ADGRB3: variants seen among roughly 807,000 people sequenced by gnomAD.
ADGRB3 encodes the protein adhesion G protein-coupled receptor B3, also known as brain-specific angiogenesis inhibitor 3.
ADGRB3 carries 37 observed loss-of-function variants against 193.4 expected under a neutral mutation model. The ratio of observed to expected loss-of-function variants is 0.19; its 90% CI spans 0.15 to 0.25. ADGRB3 has a LOEUF of 0.25. Among genes scored for constraint, ADGRB3 ranks in the 10% least tolerant of loss-of-function variants. The pLI, the probability that ADGRB3 is intolerant of heterozygous loss-of-function variation, is 1.00. For missense variants in ADGRB3, 1,637 were observed against 1,852.9 expected, an observed-to-expected ratio of 0.88 and a Z score of 2.14; for synonymous variants, 690 against 644.2, an observed-to-expected ratio of 1.07 and a Z score of -1.08.
intron 3 of ADGRB3, among the ~76,000 whole-genome samples, chr6:68,905,833 G>A (rs1242294142): frequency 6.6e-6 from 1 of 152,080 alleles, no homozygotes; most frequent in African/African-American, 2.4e-5. Flanking sequence ...TCATAGGGTT[G>A]TAGAAGGAAG....
At chr6:69,185,002 A>G (rs1340871754) in intron 17 of ADGRB3, among the ~76,000 whole-genome samples, 1 of 152,164 alleles carries the variant, frequency 6.6e-6, no homozygotes, top group Non-Finnish European at 1.5e-5. Flanking sequence ...TTAGACACAC[A>G]TAGAATTAGA....
chr6:69,076,950 T>C (rs987426345), intron 17 of ADGRB3, among the ~76,000 whole-genome samples: 3 of 152,054 alleles, frequency 2.0e-5, no homozygotes, highest in African/African-American at 7.2e-5. Context: ...CCAGAGAGTC[T>C]AGAAGAGGAG....
chr6:68,658,647 T>A (rs541408586), intron 3 of ADGRB3, among the ~76,000 whole-genome samples: 2 of 151,330 alleles, frequency 1.3e-5, no homozygotes, highest in African/African-American at 4.8e-5. Flanking sequence ...TTTTTTGGAT[T>A]GCTACATTTT....
At chr6:69,097,492 G>A (rs1384291890) in intron 17 of ADGRB3, among the ~76,000 whole-genome samples, 2 of 152,150 alleles carry the variant, frequency 1.3e-5, no homozygotes, top group African/African-American at 4.8e-5. Flanking sequence ...AACCATTCAT[G>A]TCTAAGTGCT....
At chr6:69,353,421 C>A (rs1445298610) in intron 26 of ADGRB3, among the ~76,000 whole-genome samples, 1 of 152,146 alleles carries the variant, frequency 6.6e-6, no homozygotes, top group African/African-American at 2.4e-5. Context: ...GCACATAGTA[C>A]TTGAAGGGAG....
Position 69,193,618 on chromosome 6 carries a change from A to G in ADGRB3, c.2481-39672A>G, listed in dbSNP as rs77820400. 1.1e-3 allele frequency among the ~76,000 whole-genome samples: 169 copies of G among 152,256 alleles called. 6 individuals carry two copies. The East Asian group carries it at 0.03, about 27-fold the overall frequency. On this transcript the variant is annotated intron_variant, in intron 17 of 31. Transcript: ENST00000370598. ...AATAACACATTGAAGAGGTAGCATC[A>G]TGTGGTAAAAAGAACACTGAGTTAG...
chr6:68,813,552 T>C (rs1562040467), intron 3 of ADGRB3, among the ~76,000 whole-genome samples: 1 of 151,822 alleles, frequency 6.6e-6, no homozygotes, highest in Non-Finnish European at 1.5e-5. Flanking sequence ...TGACTTATTA[T>C]GAATAATGGA....
At chr6:68,675,555 A>G (rs1162180086) in intron 3 of ADGRB3, among the ~76,000 whole-genome samples, 1 of 152,212 alleles carries the variant, frequency 6.6e-6, no homozygotes, top group Non-Finnish European at 1.5e-5. Context: ...TGCATATATG[A>G]TTGAAAGAGC....
At chr6:68,943,231 A>G (rs1767689045) in intron 5 of ADGRB3, among the ~76,000 whole-genome samples, 1 of 152,098 alleles carries the variant, frequency 6.6e-6, no homozygotes, top group African/African-American at 2.4e-5. Flanking sequence ...TTGAGTAGAC[A>G]CTCTGTTTGA....
At chr6:68,652,882 AG>A (rs1480264124) in intron 3 of ADGRB3, among the ~76,000 whole-genome samples, 1 of 152,156 alleles carries the variant, frequency 6.6e-6, no homozygotes, top group Non-Finnish European at 1.5e-5. Flanking sequence ...AGCAACAAAA[AG>A]CTTATTAGCA....
intron 20 of ADGRB3, among the ~76,000 whole-genome samples, chr6:69,254,097 A>G (rs1766693649): frequency 6.6e-6 from 1 of 152,200 alleles, no homozygotes; most frequent in African/African-American, 2.4e-5. Flanking sequence ...ATGTATGCCA[A>G]GCAAACACCC....
At chr6:68,917,005 G>T (rs781309546) in intron 3 of ADGRB3, among the ~76,000 whole-genome samples, 1 of 152,200 alleles carries the variant, frequency 6.6e-6, no homozygotes, top group Non-Finnish European at 1.5e-5. Flanking sequence ...AATGCTGGGG[G>T]TTGGGCGGTG....
chr6:68,952,380 T>A (rs897955296), intron 6 of ADGRB3, among the ~76,000 whole-genome samples: 11 of 151,942 alleles, frequency 7.2e-5, no homozygotes, highest in Non-Finnish European at 1.5e-4. Flanking sequence ...ACATGTGTGT[T>A]TATATATATA....
chr6:69,048,319 C>T lies in ADGRB3; in HGVS notation c.2242C>T (p.Pro748Ser). The T allele has an allele frequency of 6.2e-7, 1 of 1,613,032 alleles. No individual in the cohort carries two copies. The highest frequency in any genetic ancestry group is 8.5e-7 in the Non-Finnish European group (1 of 1,179,544). ...RVVIPKSIFTPVSSKELDESS... is the reference protein window; with the variant it reads ...RVVIPKSIFTSVSSKELDESS... ...AGTAATTCCAAAAAGCATTTTCACT[C>T]CGGTGTCATCAAAAGGTAAATATCT... Residue 748 changes from proline to serine, a missense_variant, in exon 14 of 32, where the codon CCG (proline) becomes TCG (serine). By Grantham distance (74) the Pro-to-Ser change is moderately conservative. This residue lies in a region of ADGRB3 where 641 missense variants were observed against 673.9 expected (regional missense o/e 0.95). Coordinates refer to ENST00000370598, the MANE Select transcript of ADGRB3 (RefSeq NM_001704.3).
At chr6:68,802,772 T>C (rs1299777285) in intron 3 of ADGRB3, among the ~76,000 whole-genome samples, 1 of 152,236 alleles carries the variant, frequency 6.6e-6, no homozygotes, top group African/African-American at 2.4e-5. Context: ...AATTAGATTT[T>C]CCAGGTAAGT....
At chr6:69,211,527 A>T (rs949438094) in intron 17 of ADGRB3, among the ~76,000 whole-genome samples, 1 of 152,202 alleles carries the variant, frequency 6.6e-6, no homozygotes, top group Non-Finnish European at 1.5e-5. Flanking sequence ...GAACACTATC[A>T]GGTAGAAAAA....
chr6:69,169,037 A>G (rs1775203529), intron 17 of ADGRB3, among the ~76,000 whole-genome samples: 1 of 152,126 alleles, frequency 6.6e-6, no homozygotes, highest in African/African-American at 2.4e-5. Flanking sequence ...CCAATGATGT[A>G]ATGAATATCT....
chr6:69,178,005 C>T (rs764457643), intron 17 of ADGRB3, among the ~76,000 whole-genome samples: 20 of 152,160 alleles, frequency 1.3e-4, no homozygotes, highest in Admixed American at 2.6e-4. Flanking sequence ...AGTTTTCCTT[C>T]TCAAGGATCT....
At chr6:68,655,645 A>C (rs1768474049) in intron 3 of ADGRB3, among the ~76,000 whole-genome samples, 1 of 151,728 alleles carries the variant, frequency 6.6e-6, no homozygotes, top group South Asian at 2.1e-4. Flanking sequence ...CATGAGAAAA[A>C]ATTTCTAAGT....
Sources: gnomAD v4.1 joint callset for allele counts (sites outside exome capture counted in the v4.1 genomes callset) on GRCh38, gnomAD v4.1.1 for gene constraint, gnomAD v4.1.1 regional missense constraint, MANE v1.5 for transcripts, NCBI Gene and HGNC (gene_info 2026-07-23, HGNC 2026-07-21) for gene names.